The following ARAP2 variants were observed in gnomAD, a reference collection of about 807,000 sequenced individuals.
ARAP2 encodes the protein arf-GAP with Rho-GAP domain, ANK repeat and PH domain-containing protein 2.
Under a neutral mutation model 194.5 loss-of-function variants are expected in ARAP2, and 148 were observed. The observed-to-expected ratio is 0.76, with a 90% CI of 0.67 to 0.87. The LOEUF (loss-of-function observed/expected upper bound fraction) is 0.87. ARAP2 is among the 40% of genes least tolerant of loss of function. The pLI, the probability that ARAP2 is intolerant of heterozygous loss-of-function variation, is 0.00. For missense variants in ARAP2, 2,128 were observed against 1,989.7 expected (o/e 1.07, Z -1.32); for synonymous variants, 695 against 683.5 (o/e 1.02, Z -0.26).
intron 19 of ARAP2, among the ~76,000 whole-genome samples, chr4:36,145,586 T>A (rs1729443403): frequency 6.6e-6 from 1 of 152,014 alleles, no homozygotes; most frequent in Non-Finnish European, 1.5e-5. Flanking sequence ...CGGTCACTAT[T>A]TGGGTGATGG....
At chr4:36,235,947 T>A (rs545932377) in intron 1 of ARAP2, among the ~76,000 whole-genome samples, 1 of 152,002 alleles carries the variant, frequency 6.6e-6, no homozygotes, top group East Asian at 1.9e-4. Context: ...GAGGCAGAGG[T>A]GGGTGGATTG....
chr4:36,240,120 T>C (rs1373725027), intron 1 of ARAP2, among the ~76,000 whole-genome samples: 1 of 152,160 alleles, frequency 6.6e-6, no homozygotes, highest in Non-Finnish European at 1.5e-5. Context: ...CTATATCGTA[T>C]AGTATTTCTA....
intron 28 of ARAP2, among the ~76,000 whole-genome samples, chr4:36,087,468 A>G (rs1204688589): frequency 6.6e-6 from 1 of 152,118 alleles, no homozygotes; most frequent in Non-Finnish European, 1.5e-5. Flanking sequence ...CTGTTTTCAG[A>G]GAAGTTCTTG....
intron 5 of ARAP2, among the ~76,000 whole-genome samples, chr4:36,031,866 G>A (rs1428672296): frequency 6.6e-6 from 1 of 151,814 alleles, no homozygotes; most frequent in Non-Finnish European, 1.5e-5. Context: ...ACGGGGTTTC[G>A]CCAGGTTGGA....
chr4:36,163,345 T>C (rs1379200216), intron 11 of ARAP2, among the ~76,000 whole-genome samples: 1 of 152,128 alleles, frequency 6.6e-6, no homozygotes, highest in Non-Finnish European at 1.5e-5. Flanking sequence ...AGACATGTTG[T>C]CGAGACACTC....
At chr4:36,100,856 A>G (rs889706067) in intron 27 of ARAP2, among the ~76,000 whole-genome samples, 9 of 152,004 alleles carry the variant, frequency 5.9e-5, no homozygotes, top group East Asian at 1.9e-4. Context: ...GTGACACTTC[A>G]AGAAAGTAAT....
intron 20 of ARAP2, among the ~76,000 whole-genome samples, chr4:36,132,082 G>A (rs1725585973): frequency 6.6e-6 from 1 of 151,686 alleles, no homozygotes; most frequent in South Asian, 2.1e-4. Context: ...ATTAAAATAT[G>A]CCTAAGTTTA....
chr4:36,053,290 C>A (rs902561026), intron 2 of ARAP2, among the ~76,000 whole-genome samples: 30 of 151,866 alleles, frequency 2.0e-4, no homozygotes, highest in African/African-American at 7.0e-4. Context: ...AGGCATGAGC[C>A]ACCGCGCCCG....
intron 6 of ARAP2, among the ~76,000 whole-genome samples, chr4:36,200,850 G>A (rs1212264726): frequency 3.3e-5 from 5 of 152,006 alleles, no homozygotes; most frequent in South Asian, 4.1e-4. Context: ...AAAGTACTTC[G>A]AAAAGTTTTC....
In ARAP2 at chr4:36,027,053, C is replaced by A. The variant is rs367904754; in HGVS notation, n.608-7767G>T. ...GGGACTTCAGCGTGGGGGACTAATC[C>A]GAGTGTGAACTGGTCCTTGAATAAT... On this transcript the variant is annotated intron_variant and non_coding_transcript_variant, in intron 5 of 12. Transcript: ENST00000503225. 5.9e-5 allele frequency among the ~76,000 whole-genome samples: 9 copies of A among 152,136 alleles called. No individual in the cohort carries two copies. The East Asian group carries it at 1.5e-3, about 26-fold the overall frequency.
At chr4:36,098,201 A>G (rs1715846528) in intron 27 of ARAP2, among the ~76,000 whole-genome samples, 1 of 152,034 alleles carries the variant, frequency 6.6e-6, no homozygotes, top group African/African-American at 2.4e-5. Flanking sequence ...AGAGAGAAAC[A>G]TACACCCAGG....
chr4:36,094,436 C>T (rs1299098338), intron 27 of ARAP2, among the ~76,000 whole-genome samples: 1 of 151,928 alleles, frequency 6.6e-6, no homozygotes, highest in Non-Finnish European at 1.5e-5. Flanking sequence ...TCAAGAATAG[C>T]CTTAGGGGAA....
At chr4:36,217,846 TGATAATACTAGATAATACTAGATATAC>T (rs1396598087) in intron 2 of ARAP2, among the ~76,000 whole-genome samples, 63 of 150,758 alleles carry the variant, frequency 4.2e-4, no homozygotes, top group Non-Finnish European at 6.9e-4. Flanking sequence ...ACTAGATATA[TGATAATACTAGATAATACTAGATATAC>T]GATAATACTA....
intron 24 of ARAP2, 70 bp from the exon 25 acceptor site, chr4:36,117,205 C>T (rs1411570039): frequency 4.7e-6 from 5 of 1,075,122 alleles, no homozygotes; most frequent in Non-Finnish European, 6.5e-6. Flanking sequence ...AAACTGAAGA[C>T]AGCTATAAAG....
intron 30 of ARAP2, among the ~76,000 whole-genome samples, chr4:36,080,741 A>T (rs1043999138): frequency 5.3e-5 from 8 of 152,336 alleles, no homozygotes; most frequent in African/African-American, 1.9e-4. Context: ...ATTCATAAAA[A>T]ATGAAACTAC....
chr4:36,107,681 T>C lies in ARAP2; in HGVS notation c.4169A>G (p.His1390Arg), dbSNP rs140261026. ...IENEELERPL[H>R]YKENVLEQVL... ...CTGCTCCAGTACATTTTCCTTGTAG[T>C]GAAGAGGACGCTCTGTAAAAAATAA... The change falls in exon 27 of 33, where the codon CAC becomes CGC. Residue 1390 changes from histidine to arginine, a missense_variant. Transcript: ENST00000303965. 1 of 1,606,356 alleles carries C rather than the reference T, an allele frequency of 6.2e-7. No individual in the cohort carries two copies. The highest frequency in any genetic ancestry group is 8.5e-7 in the Non-Finnish European group (1 of 1,176,040).
chr4:36,159,673 CT>C (rs1367669209), intron 13 of ARAP2, 168 bp from the exon 14 acceptor site: 1 of 524,756 alleles, frequency 1.9e-6, no homozygotes, highest in African/African-American at 2.0e-5. Context: ...CACAAAAGGC[CT>C]GGTTTATGTG....
chr4:36,210,406 T>C lies in ARAP2; in HGVS notation c.1471A>G (p.Lys491Glu), dbSNP rs766772075. The change falls in exon 6 of 33, where the codon AAA becomes GAA. Residue 491 changes from lysine (K) to glutamate (E), a missense_variant. By Grantham distance (56) the Lys-to-Glu change is moderately conservative. Coordinates refer to ENST00000303965, the MANE Select transcript of ARAP2 (RefSeq NM_015230.4). ...AKKVKSGWLD[K>E]LSPQGKRMFQ... Reference sequence around the variant, plus strand: ...CGTACATACCCTTGAGGAGAGAGTTTATCCAGCCATCCTGATTTAACCTTC... The same window carrying C: ...CGTACATACCCTTGAGGAGAGAGTTCATCCAGCCATCCTGATTTAACCTTC... 1.2e-6 allele frequency: 2 copies of C among 1,611,070 alleles called. No homozygotes were observed. The highest frequency in any genetic ancestry group is 1.1e-5 in the South Asian group (1 of 90,534).
chr4:36,193,151 C>T (rs956453916), intron 7 of ARAP2, among the ~76,000 whole-genome samples: 3 of 152,112 alleles, frequency 2.0e-5, no homozygotes, highest in African/African-American at 7.2e-5. Flanking sequence ...TATTCTCAGC[C>T]ATAGAGCATG....
Sources: allele counts gnomAD v4.1 joint callset (sites outside exome capture counted in the v4.1 genomes callset), GRCh38; gene constraint gnomAD v4.1.1; transcripts MANE v1.5; gene names NCBI Gene and HGNC (gene_info 2026-07-23, HGNC 2026-07-21).